Variants in EHBP1 observed in about 807,000 individuals in gnomAD.
EHBP1 encodes EH domain binding protein 1, also known as EH domain-binding protein 1.
Under a neutral mutation model 144.0 loss-of-function variants are expected in EHBP1, and 55 were observed. The observed-to-expected ratio is 0.38, with a 90% CI of 0.31 to 0.48. The LOEUF (loss-of-function observed/expected upper bound fraction) is 0.48. EHBP1 is among the 20% of genes least tolerant of loss of function. The pLI is 0.98. For synonymous variants in EHBP1, 469 were observed against 472.7 expected (o/e 0.99, Z 0.10); for missense variants, 1,200 against 1,364.2 (o/e 0.88, Z 1.90).
chr2:62,935,344 AAT>A (rs57574909), intron 10 of EHBP1, among the ~76,000 whole-genome samples: 11,904 of 120,818 alleles, frequency 0.099, 571 homozygotes, highest in African/African-American at 0.12. Context: ...AAAAAAAAAA[AAT>A]ATATATATAT....
At chr2:62,714,189 C>A (rs2035438537) in intron 2 of EHBP1, among the ~76,000 whole-genome samples, 1 of 152,048 alleles carries the variant, frequency 6.6e-6, no homozygotes, top group South Asian at 2.1e-4. Context: ...AGTTCAAGAC[C>A]AGCCTGGGTA....
intron 9 of EHBP1, among the ~76,000 whole-genome samples, 179 bp from the exon 10 acceptor site, chr2:62,874,163 AAAAT>A (rs761220701): frequency 4.6e-5 from 7 of 152,220 alleles, no homozygotes; most frequent in Admixed American, 2.0e-4. Flanking sequence ...ACCAAATTAA[AAAAT>A]AAATCTGGAT....
At chr2:62,747,364 A>G (rs1344207368) in intron 2 of EHBP1, 31 bp from the exon 3 acceptor site, 1 of 1,594,652 alleles carries the variant, frequency 6.3e-7, no homozygotes, top group African/African-American at 1.4e-5. Context: ...ATTTAAGATA[A>G]ATTATGTTTA....
At chr2:62,752,681 T>A (rs1045191194) in intron 3 of EHBP1, among the ~76,000 whole-genome samples, 14 of 152,358 alleles carry the variant, frequency 9.2e-5, no homozygotes, top group Non-Finnish European at 1.8e-4. Flanking sequence ...GGTGCATATA[T>A]ATTTAAGATA....
At chr2:62,874,031 C>A (rs2050688618) in intron 9 of EHBP1, among the ~76,000 whole-genome samples, 1 of 152,102 alleles carries the variant, frequency 6.6e-6, no homozygotes, top group East Asian at 1.9e-4. Flanking sequence ...ACTTCCTTTT[C>A]CTTGGATATG....
intron 1 of EHBP1, among the ~76,000 whole-genome samples, chr2:62,696,993 A>G (rs1175570940): frequency 6.6e-6 from 1 of 152,168 alleles, no homozygotes; most frequent in African/African-American, 2.4e-5. Flanking sequence ...AGGAGTGAAA[A>G]GGGAAATTAA....
chr2:62,937,353 G>A (rs1166903707), intron 10 of EHBP1, among the ~76,000 whole-genome samples: 1 of 152,190 alleles, frequency 6.6e-6, no homozygotes, highest in Non-Finnish European at 1.5e-5. Context: ...GGAAGTAAGA[G>A]TACCTATCTC....
chr2:62,988,368 G>C lies in EHBP1; in HGVS notation c.2609-2348G>C, dbSNP rs542299403. ...GCTTAAATATTTTGGTGTGATGTCA[G>C]AAGGTATATATTCCACATGTAAATC... On this transcript the variant is annotated intron_variant, in intron 15 of 22. Transcript: ENST00000431489. Among the ~76,000 whole-genome samples the C allele has an allele frequency of 7.2e-5, 11 of 152,224 alleles. No individual in the cohort carries two copies. The South Asian group carries it at 2.3e-3, about 32-fold the overall frequency.
intron 10 of EHBP1, among the ~76,000 whole-genome samples, chr2:62,921,071 T>C (rs1236379227): frequency 1.3e-5 from 2 of 152,184 alleles, no homozygotes; most frequent in Non-Finnish European, 2.9e-5. Context: ...TTGATGGAGC[T>C]ATTAGAAGAG....
intron 14 of EHBP1, among the ~76,000 whole-genome samples, chr2:62,975,551 CAA>C (rs1397966077): frequency 6.6e-6 from 1 of 151,922 alleles, no homozygotes; most frequent in Non-Finnish European, 1.5e-5. Flanking sequence ...TTATGATTTG[CAA>C]AGTGATTTTT....
At chr2:62,973,773 G>A (rs928055598) in intron 14 of EHBP1, among the ~76,000 whole-genome samples, 1 of 152,090 alleles carries the variant, frequency 6.6e-6, no homozygotes, top group Non-Finnish European at 1.5e-5. Flanking sequence ...GCCAAGGTGC[G>A]TGGATCACTG....
chr2:62,925,055 A>G (rs943919378), intron 10 of EHBP1, among the ~76,000 whole-genome samples: 2 of 152,246 alleles, frequency 1.3e-5, no homozygotes, highest in African/African-American at 2.4e-5. Context: ...ATGGTTCAGT[A>G]TACACAAGTC....
chr2:62,691,562 A>C (rs1314751186), intron 1 of EHBP1, among the ~76,000 whole-genome samples: 1 of 152,308 alleles, frequency 6.6e-6, no homozygotes, highest in Non-Finnish European at 1.5e-5. Flanking sequence ...AAAAAGGAGA[A>C]TGGGTATTGA....
chr2:62,733,017 A>G (rs2037763461), intron 2 of EHBP1, among the ~76,000 whole-genome samples: 1 of 152,180 alleles, frequency 6.6e-6, no homozygotes, highest in Non-Finnish European at 1.5e-5. Flanking sequence ...CTCTGCTTCC[A>G]GTAACACCCT....
intron 7 of EHBP1, among the ~76,000 whole-genome samples, chr2:62,835,040 T>G (rs1408727836): frequency 6.6e-6 from 1 of 152,228 alleles, no homozygotes; most frequent in Non-Finnish European, 1.5e-5. Context: ...TCATTATAAT[T>G]TGTATCAGTT....
chr2:62,965,848 T>C (rs2058220654), intron 14 of EHBP1, among the ~76,000 whole-genome samples: 1 of 152,152 alleles, frequency 6.6e-6, no homozygotes, highest in Non-Finnish European at 1.5e-5. Flanking sequence ...TCAGTACAAA[T>C]TGATATTCTG....
At chr2:62,844,722 G>T (rs1036711359) in intron 7 of EHBP1, among the ~76,000 whole-genome samples, 4 of 152,172 alleles carry the variant, frequency 2.6e-5, no homozygotes, top group African/African-American at 9.7e-5. Context: ...AACTGAAGCA[G>T]TTTACAGTAA....
chr2:62,783,624 G>A (rs1352096590), intron 5 of EHBP1, among the ~76,000 whole-genome samples: 1 of 152,254 alleles, frequency 6.6e-6, no homozygotes, highest in Non-Finnish European at 1.5e-5. Context: ...TAAGCTGTAT[G>A]TTGGCCCCTT....
chr2:62,755,376 A>G (rs534350266), intron 3 of EHBP1, among the ~76,000 whole-genome samples: 12 of 152,250 alleles, frequency 7.9e-5, no homozygotes, highest in South Asian at 6.2e-4. Flanking sequence ...CAAATATACT[A>G]CAATATGATT....
Sources: gnomAD v4.1 joint callset for allele counts (sites outside exome capture counted in the v4.1 genomes callset) on GRCh38, gnomAD v4.1.1 for gene constraint, MANE v1.5 for transcripts, NCBI Gene and HGNC (gene_info 2026-07-23, HGNC 2026-07-21) for gene names.